The following ANXA8 variants were observed in gnomAD, a reference collection of about 807,000 sequenced individuals.
ANXA8 encodes annexin A8, also known as VAC-beta.
ANXA8 carries 9 observed loss-of-function variants against 26.8 expected under a neutral mutation model. That is an observed-to-expected ratio of 0.34 (90% confidence interval 0.20 to 0.59). The LOEUF (loss-of-function observed/expected upper bound fraction) is 0.59, where lower values mean the gene tolerates loss of function less well. ANXA8 is among the 20% of genes least tolerant of loss of function. The pLI is 0.84. For missense variants in ANXA8, 83 were observed against 238.5 expected, an observed-to-expected ratio of 0.35 and a Z score of 4.29; for synonymous variants, 39 against 94.8, an observed-to-expected ratio of 0.41 and a Z score of 3.42.
chr10:47,566,503 C>A, the ANXA8 span, among the ~76,000 whole-genome samples: 1 of 151,302 alleles, frequency 6.6e-6, no homozygotes, highest in Admixed American at 6.6e-5. Flanking sequence ...GCTGGGGGAG[C>A]AGGACCTGGT....
chr10:47,986,787 T>C, the ANXA8 span: 1 of 402,126 alleles, frequency 2.5e-6, no homozygotes, highest in African/African-American at 2.1e-5. Context: ...AACGCCTTTC[T>C]GCGGGCGGAG....
At chr10:47,633,611 CTAATACTTA>C in the ANXA8 span, among the ~76,000 whole-genome samples, 1 of 113,300 alleles carries the variant, frequency 8.8e-6, no homozygotes, top group Admixed American at 9.4e-5. Flanking sequence ...AATCTCTGTC[CTAATACTTA>C]TATAATACTT....
chr10:47,982,823 TA>T, the ANXA8 span, among the ~76,000 whole-genome samples: 3 of 68,734 alleles, frequency 4.4e-5, no homozygotes, highest in African/African-American at 1.5e-4. Flanking sequence ...TATATATATA[TA>T]TATATATATA....
chr10:47,953,027 A>G, the ANXA8 span, among the ~76,000 whole-genome samples: 2 of 149,956 alleles, frequency 1.3e-5, no homozygotes, highest in Non-Finnish European at 2.9e-5. Flanking sequence ...AGAGAAAAAC[A>G]TAAGAGAAAA....
chr10:47,510,817 G>A, the ANXA8 span, among the ~76,000 whole-genome samples: 16 of 82,236 alleles, frequency 1.9e-4, no homozygotes, highest in African/African-American at 9.2e-4. Flanking sequence ...GAGACAAAGT[G>A]AGACTCCGTC....
At chr10:47,502,253 T>C in the ANXA8 span, 7 of 1,594,784 alleles carry the variant, frequency 4.4e-6, no homozygotes, top group South Asian at 7.7e-5. Context: ...TGGAGTGCCG[T>C]GCAGCCGTCT....
chr10:47,553,992 C>T, the ANXA8 span, among the ~76,000 whole-genome samples: 1 of 148,734 alleles, frequency 6.7e-6, no homozygotes, highest in Non-Finnish European at 1.5e-5. Context: ...CCTCTTTTGG[C>T]CAGAAGCGGT....
At chr10:47,951,689 T>C in the ANXA8 span, among the ~76,000 whole-genome samples, 1 of 149,802 alleles carries the variant, frequency 6.7e-6, no homozygotes, top group Non-Finnish European at 1.5e-5. Flanking sequence ...TGTACGCATG[T>C]AATCCCCGCT....
At chr10:47,907,218 G>A in the ANXA8 span, among the ~76,000 whole-genome samples, 14 of 152,056 alleles carry the variant, frequency 9.2e-5, no homozygotes, top group Non-Finnish European at 1.5e-4. Context: ...TTAGCCGGGC[G>A]TGGTGGCGGG....
At chr10:47,733,444 A>G in the ANXA8 span, among the ~76,000 whole-genome samples, 1 of 127,790 alleles carries the variant, frequency 7.8e-6, no homozygotes, top group Non-Finnish European at 1.6e-5. Context: ...TCGTCCCTAG[A>G]ATTCTAAACT....
the ANXA8 span, among the ~76,000 whole-genome samples, chr10:47,744,842 A>C: frequency 6.6e-6 from 1 of 151,948 alleles, no homozygotes; most frequent in African/African-American, 2.4e-5. Flanking sequence ...TGGATCACAA[A>C]ATTCACATGA....
At chr10:47,743,378 A>ATATACATATATATATG in the ANXA8 span, among the ~76,000 whole-genome samples, 1 of 59,772 alleles carries the variant, frequency 1.7e-5, no homozygotes, top group Middle Eastern at 8.1e-3. Context: ...ATACATATAT[A>ATATACATATATATATG]TGTGTGTGTG....
chr10:47,749,083 G>T, the ANXA8 span, among the ~76,000 whole-genome samples: 1 of 77,208 alleles, frequency 1.3e-5, no homozygotes, highest in Non-Finnish European at 2.6e-5. Flanking sequence ...AAATACAAAA[G>T]AATTAGCCAG....
At chr10:47,600,016 T>C in the ANXA8 span, among the ~76,000 whole-genome samples, 4 of 149,630 alleles carry the variant, frequency 2.7e-5, no homozygotes, top group African/African-American at 5.1e-5. Flanking sequence ...TCTTAATTTA[T>C]ATAGTTTATT....
chr10:47,954,068 A>C, the ANXA8 span, among the ~76,000 whole-genome samples: 1 of 151,086 alleles, frequency 6.6e-6, no homozygotes, highest in Non-Finnish European at 1.5e-5. Flanking sequence ...GGAAATTAGT[A>C]TATCAAAGAG....
chr10:47,936,813 G>T, the ANXA8 span, among the ~76,000 whole-genome samples: 88 of 151,910 alleles, frequency 5.8e-4, no homozygotes, highest in African/African-American at 2.0e-3. Context: ...CCAGTGCGCT[G>T]CCCTGGAAGG....
At chr10:47,673,251 T>A in the ANXA8 span, among the ~76,000 whole-genome samples, 4 of 151,560 alleles carry the variant, frequency 2.6e-5, no homozygotes, top group African/African-American at 9.8e-5. Context: ...GCATAGATAA[T>A]ACCTGAGGCA....
chr10:47,686,335 C>A, the ANXA8 span, among the ~76,000 whole-genome samples: 1 of 150,648 alleles, frequency 6.6e-6, no homozygotes, highest in Admixed American at 6.6e-5. Flanking sequence ...TCTCATGCCT[C>A]AGCCTCCTGA....
chr10:47,571,523 C>A, the ANXA8 span, among the ~76,000 whole-genome samples: 1 of 149,696 alleles, frequency 6.7e-6, no homozygotes, highest in African/African-American at 2.5e-5. Context: ...AGCCCTGATC[C>A]TATCACATGT....
Sources: allele counts gnomAD v4.1 joint callset (sites outside exome capture counted in the v4.1 genomes callset), GRCh38; gene constraint gnomAD v4.1.1; transcripts MANE v1.5; gene names NCBI Gene and HGNC (gene_info 2026-07-23, HGNC 2026-07-21).